GABRG1: variants seen among roughly 807,000 people sequenced by gnomAD.
The protein encoded by GABRG1 is gamma-aminobutyric acid type A receptor subunit gamma1, also known as gamma-aminobutyric acid receptor subunit gamma-1.
Under a neutral mutation model 49.8 loss-of-function variants are expected in GABRG1, and 49 were observed. The ratio of observed to expected loss-of-function variants is 0.98; its 90% confidence interval spans 0.78 to 1.25. The LOEUF (loss-of-function observed/expected upper bound fraction) is 1.25, where lower values mean the gene tolerates loss of function less well. Among genes scored for constraint, GABRG1 ranks in the 50% most tolerant of loss-of-function variants. The pLI is 0.00. For synonymous variants in GABRG1, 232 were observed against 185.1 expected (o/e 1.25, Z -2.06); for missense variants, 552 against 552.3 (o/e 1.00, Z 0.01).
rs563697889 is a variant in GABRG1, at chr4:46,091,464, T to A, written c.253+5737A>T. ...AATGGAAAAGAAAATTTTAAAAAGT[T>A]ACTCAAGTTATCAAGACATCGTAAT... On this transcript the variant is annotated intron_variant, in intron 2 of 8. Transcript: ENST00000295452. Among the ~76,000 whole-genome samples the A allele has an allele frequency of 3.3e-5, 5 of 152,180 alleles. No individual in the cohort carries two copies. The East Asian group carries it at 9.7e-4, about 30-fold the overall frequency.
intron 1 of GABRG1, among the ~76,000 whole-genome samples, chr4:46,117,864 A>G (rs1274328574): frequency 5.0e-5 from 3 of 60,128 alleles, no homozygotes; most frequent in African/African-American, 3.4e-4. Context: ...ATATACATAT[A>G]TACATATGTA....
intron 2 of GABRG1, among the ~76,000 whole-genome samples, chr4:46,089,729 G>A (rs1577658089): frequency 6.6e-6 from 1 of 152,200 alleles, no homozygotes; most frequent in South Asian, 2.1e-4. Context: ...TTGGGAGGCT[G>A]GGGCAGGCAG....
chr4:46,062,393 T>G (rs1291113894), intron 5 of GABRG1, among the ~76,000 whole-genome samples: 2 of 152,106 alleles, frequency 1.3e-5, no homozygotes, highest in African/African-American at 4.8e-5. Context: ...ATATACCCAG[T>G]AATGGGAAGG....
Position 46,070,911 on chromosome 4 carries a change from A to T in GABRG1, c.322-5327T>A, listed in dbSNP as rs376220925. ...TCAAAAACTACTGATTTCAATGTGA[A>T]TCACATCTAAATAATACCTTCACAG... On this transcript the variant is annotated intron_variant, in intron 3 of 8. Transcript: ENST00000295452. 2.1e-3 allele frequency among the ~76,000 whole-genome samples: 319 copies of T among 152,178 alleles called. 1 individual carries two copies. Among genetic ancestry groups the T allele is most frequent in the African/African-American group, 7.3e-3 (303 of 41,558 alleles).
rs1553884374 is a variant in GABRG1, at chr4:46,117,578, C to CTCTCTCTTTCTG, written c.104+6231_104+6232insCAGAAAGAGAGA. Among the ~76,000 whole-genome samples, 314 of 143,430 alleles carry CTCTCTCTTTCTG rather than the reference C, an allele frequency of 2.2e-3. 1 individual carries two copies. The highest frequency in any genetic ancestry group is 7.9e-3 in the African/African-American group (301 of 37,978). 94.1% of individuals were successfully genotyped at this position (143,430 alleles called of 152,430 possible). A position where few individuals can be genotyped will look rare whatever the true frequency, so the allele number is the denominator to read the frequency against. ...TCTCTCTCTCTCTCTCTCTCTCTCT[C>CTCTCTCTTTCTG]TCTGTCTCTCTTTGTCTCTCTCTCT... On this transcript the variant is annotated intron_variant, in intron 1 of 8. Transcript: ENST00000295452.
At chr4:46,066,081 A>G (rs1718910823) in intron 3 of GABRG1, among the ~76,000 whole-genome samples, 1 of 152,122 alleles carries the variant, frequency 6.6e-6, no homozygotes. Flanking sequence ...TCAAGTAGTT[A>G]TTGTTGCACA....
chr4:46,041,582 C>T (rs1053219471), intron 8 of GABRG1, among the ~76,000 whole-genome samples: 2 of 151,910 alleles, frequency 1.3e-5, no homozygotes, highest in Middle Eastern at 3.4e-3. Flanking sequence ...TATATTAAAA[C>T]ATTAACAGTG....
intron 8 of GABRG1, among the ~76,000 whole-genome samples, chr4:46,045,475 A>G (rs1717957997): frequency 6.6e-6 from 1 of 152,050 alleles, no homozygotes; most frequent in Non-Finnish European, 1.5e-5. Flanking sequence ...AATTGATAAC[A>G]TTCTCAAAAA....
Position 46,039,613 on chromosome 4 carries a change from C to T in GABRG1, c.*1375G>A, listed in dbSNP as rs1717678308. On this transcript the variant is annotated 3_prime_UTR_variant, in exon 9 of 9. Transcript: ENST00000295452. ...TATTTCCAAGCTAAACCTGGTGGTT[C>T]TCCAGAAATTTATGTGATGAATCTT... 1 of 151,642 alleles carries T rather than the reference C, an allele frequency of 6.6e-6. No individual in the cohort carries two copies. The highest frequency in any genetic ancestry group is 1.9e-4 in the East Asian group (1 of 5,172). The allele number at this position is 151,642 out of a possible 1,614,324, so 9.4% of individuals were successfully genotyped here. A position where few individuals can be genotyped will look rare whatever the true frequency, so the allele number is the denominator to read the frequency against.
chr4:46,074,692 C>T (rs1233276751), intron 3 of GABRG1, among the ~76,000 whole-genome samples: 1 of 152,108 alleles, frequency 6.6e-6, no homozygotes, highest in Non-Finnish European at 1.5e-5. Flanking sequence ...AAATTCATTG[C>T]CAATCTAAGA....
intron 8 of GABRG1, among the ~76,000 whole-genome samples, chr4:46,048,727 G>C (rs543874058): frequency 6.6e-6 from 1 of 151,542 alleles, no homozygotes; most frequent in Non-Finnish European, 1.5e-5. Context: ...TAGAAAGCGA[G>C]CAAAAAAGAC....
At chr4:46,064,654 T>C (rs966190325) in intron 4 of GABRG1, 131 bp from the exon 5 acceptor site, 2 of 416,860 alleles carry the variant, frequency 4.8e-6, no homozygotes, top group Non-Finnish European at 8.6e-6. Context: ...TAATAATGAT[T>C]CTAAAGTCTC....
At position 46,056,152 on chromosome 4, in the gene GABRG1, A is replaced by AAT. The variant is rs1577635641; in HGVS notation, c.916+2064_916+2065insAT. Among the ~76,000 whole-genome samples the AAT allele has an allele frequency of 2.4e-3, 10 of 4,222 alleles. 2 individuals are homozygous for AAT. The highest frequency in any genetic ancestry group is 4.1e-3 in the Non-Finnish European group (10 of 2,444). The allele number at this position is 4,222 out of a possible 152,430, so 2.8% of individuals were successfully genotyped here. Reference sequence around the variant, plus strand: ...AAAAAAAAAAATAAATAAATAAATTAAAAAAAAAAAAAAAAAAAAAAAAAA... The same window carrying AAT: ...AAAAAAAAAAATAAATAAATAAATTAATAAAAAAAAAAAAAAAAAAAAAAAAA... On this transcript the variant is annotated intron_variant, in intron 7 of 8. Coordinates refer to ENST00000295452, the MANE Select transcript of GABRG1 (RefSeq NM_173536.4).
At chr4:46,053,043 C>G (rs1018216142) in intron 7 of GABRG1, among the ~76,000 whole-genome samples, 1 of 151,756 alleles carries the variant, frequency 6.6e-6, no homozygotes, top group South Asian at 2.1e-4. Flanking sequence ...TTTTTCAACT[C>G]CTTTGTGCCT....
chr4:46,042,782 A>AT (rs1035584107), intron 8 of GABRG1, among the ~76,000 whole-genome samples: 2 of 152,024 alleles, frequency 1.3e-5, no homozygotes, highest in Non-Finnish European at 2.9e-5. Flanking sequence ...TTTTTAAAAG[A>AT]TTAAAGCATC....
chr4:46,069,897 T>A (rs1719055137), intron 3 of GABRG1, among the ~76,000 whole-genome samples: 1 of 152,036 alleles, frequency 6.6e-6, no homozygotes, highest in African/African-American at 2.4e-5. Flanking sequence ...AAGAAAGATT[T>A]CACGACAGAT....
intron 1 of GABRG1, among the ~76,000 whole-genome samples, chr4:46,107,244 G>A (rs779654039): frequency 1.3e-5 from 2 of 150,200 alleles, no homozygotes; most frequent in African/African-American, 2.4e-5. Flanking sequence ...CTTTTCATTT[G>A]TCATTAACTA....
intron 8 of GABRG1, among the ~76,000 whole-genome samples, chr4:46,049,993 G>A (rs1175539842): frequency 6.6e-6 from 1 of 151,706 alleles, no homozygotes; most frequent in African/African-American, 2.4e-5. Context: ...AAAATTTCCA[G>A]AAATAAAACT....
chr4:46,111,733 A>T (rs1720720920), intron 1 of GABRG1, among the ~76,000 whole-genome samples: 1 of 151,426 alleles, frequency 6.6e-6, no homozygotes, highest in Non-Finnish European at 1.5e-5. Flanking sequence ...AAAAATAAGC[A>T]ATGAGAAAAG....
Sources: gnomAD v4.1 joint callset for allele counts (sites outside exome capture counted in the v4.1 genomes callset) on GRCh38, gnomAD v4.1.1 for gene constraint, MANE v1.5 for transcripts, NCBI Gene and HGNC (gene_info 2026-07-23, HGNC 2026-07-21) for gene names.